AGBL4: variants seen among roughly 807,000 people sequenced by gnomAD.
The protein encoded by AGBL4 is AGBL carboxypeptidase 4.
In AGBL4, 58 loss-of-function variants were observed where a neutral mutation model predicts 66.4. The ratio of observed to expected loss-of-function variants is 0.87; its 90% CI spans 0.71 to 1.09. The LOEUF (loss-of-function observed/expected upper bound fraction) is 1.09, where lower values mean the gene tolerates loss of function less well. Ranked by LOEUF, AGBL4 falls within the 50% of genes least tolerant of loss-of-function variation. The pLI, the probability that AGBL4 is intolerant of heterozygous loss-of-function variation, is 0.00. For synonymous variants in AGBL4, 234 were observed against 222.9 expected (o/e 1.05, Z -0.44); for missense variants, 579 against 631.0 (o/e 0.92, Z 0.88).
intron 3 of AGBL4, among the ~76,000 whole-genome samples, chr1:49,658,034 G>T (rs1646182914): frequency 6.6e-6 from 1 of 152,154 alleles, no homozygotes; most frequent in Non-Finnish European, 1.5e-5. Context: ...AAGAGCTTCT[G>T]CACAGCAAAA....
intron 3 of AGBL4, among the ~76,000 whole-genome samples, chr1:49,568,487 T>TCACACAAACA (rs1553229223): frequency 2.3e-5 from 3 of 131,206 alleles, no homozygotes. Flanking sequence ...AAATAAGTGA[T>TCACACAAACA]CACACACACA....
intron 1 of AGBL4, among the ~76,000 whole-genome samples, chr1:49,909,322 C>A (rs988651462): frequency 6.6e-6 from 1 of 151,976 alleles, no homozygotes; most frequent in Admixed American, 6.6e-5. Context: ...TGTTTCTTTG[C>A]AAGTAAAGGA....
At chr1:49,435,551 C>T (rs1443745980) in intron 3 of AGBL4, among the ~76,000 whole-genome samples, 1 of 152,070 alleles carries the variant, frequency 6.6e-6, no homozygotes, top group African/African-American at 2.4e-5. Flanking sequence ...GAATTGGATA[C>T]CAAGAAGAGA....
At chr1:48,643,321 G>A (rs944860698) in intron 8 of AGBL4, among the ~76,000 whole-genome samples, 1 of 152,150 alleles carries the variant, frequency 6.6e-6, no homozygotes, top group Non-Finnish European at 1.5e-5. Flanking sequence ...AGCCTGTGCT[G>A]CACTCTACCC....
intron 5 of AGBL4, among the ~76,000 whole-genome samples, chr1:49,013,331 C>G (rs1662588401): frequency 6.6e-6 from 1 of 152,088 alleles, no homozygotes; most frequent in Admixed American, 6.6e-5. Flanking sequence ...ATCATGGGTT[C>G]AATATAGAAC....
intron 5 of AGBL4, among the ~76,000 whole-genome samples, chr1:49,032,718 C>T (rs1664331919): frequency 6.6e-6 from 1 of 152,128 alleles, no homozygotes; most frequent in African/African-American, 2.4e-5. Flanking sequence ...TTGTGATTTC[C>T]TGGGACATGC....
At chr1:49,012,493 A>G (rs984915201) in intron 5 of AGBL4, among the ~76,000 whole-genome samples, 1 of 152,222 alleles carries the variant, frequency 6.6e-6, no homozygotes, top group Non-Finnish European at 1.5e-5. Context: ...GTCATAAGAT[A>G]AGAAGAGAGA....
At chr1:49,457,164 G>T (rs944818801) in intron 3 of AGBL4, among the ~76,000 whole-genome samples, 3 of 151,712 alleles carry the variant, frequency 2.0e-5, no homozygotes, top group Non-Finnish European at 4.4e-5. Flanking sequence ...TTTCCATAGT[G>T]GTTGTACTAG....
the AGBL4 span, among the ~76,000 whole-genome samples, chr1:48,527,629 CAA>C: frequency 6.6e-6 from 1 of 150,914 alleles, no homozygotes; most frequent in Middle Eastern, 3.4e-3. Context: ...GATGAATAAG[CAA>C]AGTGTTAGGG....
intron 9 of AGBL4, among the ~76,000 whole-genome samples, chr1:48,596,512 T>C (rs1176906296): frequency 6.6e-6 from 1 of 152,082 alleles, no homozygotes; most frequent in Non-Finnish European, 1.5e-5. Flanking sequence ...GAAGGAAAAA[T>C]TTTCAGAAAA....
At chr1:48,983,437 T>C (rs945625731) in intron 5 of AGBL4, among the ~76,000 whole-genome samples, 3 of 152,174 alleles carry the variant, frequency 2.0e-5, no homozygotes, top group Non-Finnish European at 2.9e-5. Flanking sequence ...TATTAGTAAG[T>C]GCTCACTGAC....
chr1:49,484,417 G>GT (rs1647020689), intron 3 of AGBL4, among the ~76,000 whole-genome samples: 1 of 151,952 alleles, frequency 6.6e-6, no homozygotes. Context: ...CTATTCAGCC[G>GT]TAAAAAAAGA....
At chr1:49,180,774 A>G (rs1646917610) in intron 4 of AGBL4, among the ~76,000 whole-genome samples, 1 of 152,200 alleles carries the variant, frequency 6.6e-6, no homozygotes, top group Non-Finnish European at 1.5e-5. Context: ...ATGAACCAAG[A>G]GCATTGTGAG....
At chr1:48,877,366 A>C (rs1649330455) in intron 5 of AGBL4, among the ~76,000 whole-genome samples, 1 of 152,090 alleles carries the variant, frequency 6.6e-6, no homozygotes, top group Non-Finnish European at 1.5e-5. Context: ...ATTAACGTAG[A>C]TATAATAAAA....
intron 5 of AGBL4, among the ~76,000 whole-genome samples, chr1:48,894,492 T>C (rs1412035322): frequency 6.6e-6 from 1 of 152,184 alleles, no homozygotes; most frequent in East Asian, 1.9e-4. Flanking sequence ...ATGCTAATGA[T>C]TGGGAATTGG....
chr1:49,140,162 C>T (rs915686703), intron 4 of AGBL4, among the ~76,000 whole-genome samples: 35 of 152,148 alleles, frequency 2.3e-4, no homozygotes, highest in African/African-American at 8.2e-4. Flanking sequence ...ACTTTTTTGA[C>T]TGAGTGTTAG....
intron 3 of AGBL4, among the ~76,000 whole-genome samples, chr1:49,372,675 CTTTCTCTTTCTTTCTCTT>C (rs1644388539): frequency 9.3e-6 from 1 of 107,742 alleles, no homozygotes; most frequent in African/African-American, 3.5e-5. Context: ...TTCTTTCTTT[CTTTCTCTTTCTTTCTCTT>C]TCTTTCTTTT....
At chr1:48,971,766 A>G (rs1441255306) in intron 5 of AGBL4, among the ~76,000 whole-genome samples, 1 of 152,204 alleles carries the variant, frequency 6.6e-6, no homozygotes, top group Non-Finnish European at 1.5e-5. Flanking sequence ...CATGGAATCA[A>G]ATGCTTAAGT....
At chr1:49,278,414 G>T (rs1394322341) in intron 3 of AGBL4, among the ~76,000 whole-genome samples, 1 of 152,130 alleles carries the variant, frequency 6.6e-6, no homozygotes, top group African/African-American at 2.4e-5. Flanking sequence ...TTGTTCATAA[G>T]AAACCTTTCC....
Sources: allele counts gnomAD v4.1 joint callset (sites outside exome capture counted in the v4.1 genomes callset), GRCh38; gene constraint gnomAD v4.1.1; transcripts MANE v1.5; gene names NCBI Gene and HGNC (gene_info 2026-07-23, HGNC 2026-07-21).